The following PPP3CB variants were observed in gnomAD, a reference collection of about 807,000 sequenced individuals.
PPP3CB encodes the protein serine/threonine-protein phosphatase 2B catalytic subunit beta isoform.
In PPP3CB, 8 loss-of-function variants were observed where a neutral mutation model predicts 66.4. That is an observed-to-expected ratio of 0.12 (90% confidence interval 0.07 to 0.22). The LOEUF (loss-of-function observed/expected upper bound fraction) is 0.22. PPP3CB is among the 10% of genes least tolerant of loss of function. The pLI, the probability that PPP3CB is intolerant of heterozygous loss-of-function variation, is 1.00. For missense variants in PPP3CB, 319 were observed against 642.5 expected (o/e 0.50, Z 5.44); for synonymous variants, 208 against 221.2 (o/e 0.94, Z 0.53).
At chr10:73,454,530 TAA>T (rs1324402578) in intron 9 of PPP3CB, 41 bp from the exon 10 acceptor site, 1 of 1,375,908 alleles carries the variant, frequency 7.3e-7, no homozygotes, top group African/African-American at 1.4e-5. Context: ...TGACCATATA[TAA>T]CTGTCTATAC....
intron 9 of PPP3CB, among the ~76,000 whole-genome samples, chr10:73,458,047 A>G (rs1054689491): frequency 2.0e-5 from 3 of 152,230 alleles, no homozygotes; most frequent in Non-Finnish European, 4.4e-5. Flanking sequence ...TGATAGATAC[A>G]CTAAAAGCCT....
intron 3 of PPP3CB, among the ~76,000 whole-genome samples, chr10:73,476,060 C>T (rs1444628326): frequency 6.6e-6 from 1 of 151,226 alleles, no homozygotes; most frequent in African/African-American, 2.4e-5. Flanking sequence ...AGGGTTTCAC[C>T]ATGTTTCCCT....
rs1554821592 is a variant in PPP3CB at position 73,443,274 on chromosome 10, A to AAGAAAGAC, written c.1366+1450_1366+1451insGTCTTTCT. Reference sequence around the variant, plus strand: ...AAAGAGAGAGAGAGAGAGAGAAAGAAAGAAAGAAAGACAGAAAGAAAGAAA... The same window carrying AAGAAAGAC: ...AAAGAGAGAGAGAGAGAGAGAAAGAAAGAAAGACAGAAAGAAAGACAGAAAGAAAGAAA... On this transcript the variant is annotated intron_variant, in intron 12 of 13. Coordinates refer to ENST00000360663, the MANE Select transcript of PPP3CB (RefSeq NM_021132.4). 8.1e-3 allele frequency among the ~76,000 whole-genome samples: 958 copies of AAGAAAGAC among 118,538 alleles called. 3 individuals are homozygous for AAGAAAGAC. Among genetic ancestry groups the AAGAAAGAC allele is most frequent in the Non-Finnish European group, 0.013 (736 of 55,894 alleles). The allele number at this position is 118,538 out of a possible 152,430, so 77.8% of individuals were successfully genotyped here.
intron 9 of PPP3CB, among the ~76,000 whole-genome samples, chr10:73,455,485 T>C (rs1477402012): frequency 6.6e-6 from 1 of 152,208 alleles, no homozygotes; most frequent in Non-Finnish European, 1.5e-5. Context: ...GTTTCAATTA[T>C]CACCTCGTTG....
intron 4 of PPP3CB, among the ~76,000 whole-genome samples, 153 bp from the exon 5 acceptor site, chr10:73,471,766 T>C (rs922685435): frequency 1.3e-5 from 2 of 152,206 alleles, no homozygotes; most frequent in African/African-American, 4.8e-5. Context: ...CAGTTTCAAC[T>C]GTAGTAATAG....
chr10:73,479,844 C>A (rs2056846097), intron 1 of PPP3CB, among the ~76,000 whole-genome samples: 1 of 152,056 alleles, frequency 6.6e-6, no homozygotes, highest in African/African-American at 2.4e-5. Flanking sequence ...ATTAGATATT[C>A]TTTACCTTAA....
intron 9 of PPP3CB, among the ~76,000 whole-genome samples, chr10:73,454,876 C>CTT (rs542229717): frequency 1.4e-5 from 2 of 143,942 alleles, no homozygotes; most frequent in Non-Finnish European, 3.1e-5. Flanking sequence ...AGGATTTAAT[C>CTT]TTTTTTTTTT....
intron 4 of PPP3CB, among the ~76,000 whole-genome samples, chr10:73,472,633 G>T (rs960640697): frequency 6.6e-5 from 10 of 151,388 alleles, no homozygotes; most frequent in Non-Finnish European, 1.2e-4. Flanking sequence ...AAGAGTCAAT[G>T]ACTACTTTAT....
At position 73,470,739 on chromosome 10, in the gene PPP3CB, T is replaced by C; in HGVS notation, c.930A>G (p.Ser310=). The C allele has an allele frequency of 6.2e-7, 1 of 1,604,292 alleles. No homozygotes were observed. The highest frequency in any genetic ancestry group is 2.2e-5 in the East Asian group (1 of 44,750). ...TAGGTGCCGAAAAAATTGTTATTAATGAAGGGAACCCTGTAGTTTGACTTT... is the reference window on the plus strand; with the variant it reads ...TAGGTGCCGAAAAAATTGTTATTAACGAAGGGAACCCTGTAGTTTGACTTT... ...YRKSQTTGFP[S]LITIFSAPNY... Residue 310 remains serine (S), a synonymous_variant, in exon 8 of 14, where the codon TCA becomes TCG. Coordinates refer to ENST00000360663, the MANE Select transcript of PPP3CB (RefSeq NM_021132.4).
chr10:73,486,315 TTTC>T lies in PPP3CB; in HGVS notation c.86-6801_86-6799del, dbSNP rs1333134497. On this transcript the variant is annotated intron_variant, in intron 1 of 13. Transcript: ENST00000360663. ...GACTGGTTTTTTTTTTTTTTTTTTTTTTCTTCTGAGACGGAGTTTTGCTCTTGT... is the reference window on the plus strand; with the variant it reads ...GACTGGTTTTTTTTTTTTTTTTTTTTTTCTGAGACGGAGTTTTGCTCTTGT... 2.3e-3 allele frequency among the ~76,000 whole-genome samples: 348 copies of T among 148,472 alleles called. 2 individuals are homozygous for T. The highest frequency in any genetic ancestry group is 8.4e-3 in the African/African-American group (334 of 39,748).
chr10:73,461,336 A>G (rs2056517844), intron 9 of PPP3CB, among the ~76,000 whole-genome samples: 1 of 152,044 alleles, frequency 6.6e-6, no homozygotes, highest in Non-Finnish European at 1.5e-5. Flanking sequence ...AGTCCCAGCT[A>G]TTTGGGGGTC....
chr10:73,476,473 CG>C (rs2056790748), intron 3 of PPP3CB, among the ~76,000 whole-genome samples: 1 of 151,836 alleles, frequency 6.6e-6, no homozygotes, highest in Non-Finnish European at 1.5e-5. Context: ...AAAAACTAGC[CG>C]GGAGTGGTGG....
rs75512104 is a variant in PPP3CB at position 73,456,741 on chromosome 10, A to C, written c.1109-2252T>G. Among the ~76,000 whole-genome samples, 3,251 of 152,318 alleles carry C rather than the reference A, an allele frequency of 0.021. 227 individuals are homozygous for C. The East Asian group carries it at 0.22, about 10-fold the overall frequency. ...GTAAGAACTAAAACTCTCAGAAAAAAACGGGCAAATCTTTATGAGCTTGGA... is the reference window on the plus strand; with the variant it reads ...GTAAGAACTAAAACTCTCAGAAAAACACGGGCAAATCTTTATGAGCTTGGA... On this transcript the variant is annotated intron_variant, in intron 9 of 13. Transcript: ENST00000360663.
chr10:73,446,643 G>A (rs2056260766), intron 10 of PPP3CB, 70 bp from the exon 11 acceptor site: 5 of 1,420,320 alleles, frequency 3.5e-6, no homozygotes, highest in South Asian at 2.3e-5. Context: ...TATTCTATTA[G>A]CCTGTTCCAC....
intron 8 of PPP3CB, 36 bp from the exon 9 acceptor site, chr10:73,467,714 TA>T: frequency 6.8e-7 from 1 of 1,479,360 alleles, no homozygotes; most frequent in East Asian, 2.4e-5. Flanking sequence ...ACTTAATAGA[TA>T]AGTAACTATT....
At chr10:73,456,735 G>GA (rs369395970) in intron 9 of PPP3CB, among the ~76,000 whole-genome samples, 1 of 152,064 alleles carries the variant, frequency 6.6e-6, no homozygotes, top group South Asian at 2.1e-4. Context: ...AAAACTCTCA[G>GA]AAAAAAACGG....
chr10:73,461,383 G>A (rs1406579938), intron 9 of PPP3CB, among the ~76,000 whole-genome samples: 1 of 151,972 alleles, frequency 6.6e-6, no homozygotes. Flanking sequence ...GGAGGCGGAG[G>A]GTGCAGTGAG....
rs1353833383 is a variant in PPP3CB, at chr10:73,454,464, C to T, written c.1134G>A (p.Leu378=). 6.2e-7 allele frequency: 1 copy of T among 1,612,188 alleles called. No homozygotes were observed. The highest frequency in any genetic ancestry group is 2.2e-5 in the East Asian group (1 of 44,720). ...TTAGTTCATCATCAGAGCAAATACT[C>T]AGAACATTTACCAACATTTCTGTCA... ...EKVTEMLVNV[L]SICSDDELMT... Residue 378 remains leucine, a synonymous_variant, in exon 10 of 14, where the codon CTG becomes CTA. Coordinates refer to ENST00000360663, the MANE Select transcript of PPP3CB (RefSeq NM_021132.4).
chr10:73,467,658 T>G lies in PPP3CB; in HGVS notation c.1003A>C (p.Asn335His), dbSNP rs574786999. Reference protein sequence around the residue: ...NNKAAVLKYENNVMNIRQFNC... With the variant: ...NNKAAVLKYEHNVMNIRQFNC... ...AACTGTCGAATATTCATCACATTAT[T>G]TTCATACTTTAATACAGCAGCTGCA... The change falls in exon 9 of 14, where the codon AAT becomes CAT. Residue 335 changes from asparagine (N) to histidine (H), a missense_variant. Physicochemically the swap from Asn to His is moderately conservative, Grantham distance 68. Transcript: ENST00000360663. 2.0e-4 allele frequency: 305 copies of G among 1,561,862 alleles called. 1 individual carries two copies. The South Asian group carries it at 3.4e-3, about 17-fold the overall frequency.
Sources: gnomAD v4.1 joint callset for allele counts (sites outside exome capture counted in the v4.1 genomes callset) on GRCh38, gnomAD v4.1.1 for gene constraint, MANE v1.5 for transcripts, NCBI Gene and HGNC (gene_info 2026-07-23, HGNC 2026-07-21) for gene names.